RANBP10: variants seen among roughly 807,000 people sequenced by gnomAD.
RANBP10 encodes the protein ran-binding protein 10.
Under a neutral mutation model 72.8 loss-of-function variants are expected in RANBP10, and 24 were observed. The ratio of observed to expected loss-of-function variants is 0.33; its 90% confidence interval spans 0.24 to 0.46. The LOEUF is 0.46. Ranked by LOEUF, RANBP10 falls within the 20% of genes least tolerant of loss-of-function variation. The pLI is 1.00. For synonymous variants in RANBP10, 310 were observed against 322.3 expected, an observed-to-expected ratio of 0.96 and a Z score of 0.41; for missense variants, 679 against 817.5, an observed-to-expected ratio of 0.83 and a Z score of 2.07.
At chr16:67,776,138 C>A (rs1445862801) in intron 2 of RANBP10, among the ~76,000 whole-genome samples, 2 of 149,026 alleles carry the variant, frequency 1.3e-5, no homozygotes, top group African/African-American at 2.5e-5. Context: ...GAGCAAGACT[C>A]CATCTCAAAA....
chr16:67,725,769 A>G lies in RANBP10; in HGVS notation c.*659T>C, dbSNP rs1200910724. 3 of 152,394 alleles carry G rather than the reference A, an allele frequency of 2.0e-5. No homozygotes were observed. The highest frequency in any genetic ancestry group is 4.8e-5 in the African/African-American group (2 of 41,404). 9.4% of individuals were successfully genotyped at this position (152,394 alleles called of 1,614,324 possible). ...CCCACTAAGTGGCCCACCAAACCCT[A>G]TTTGGGTTTCCTAGGCTGCAGCTCG... On this transcript the variant is annotated 3_prime_UTR_variant, in exon 14 of 14. Transcript: ENST00000317506.
chr16:67,778,429 A>C (rs1240884224), intron 2 of RANBP10, among the ~76,000 whole-genome samples: 1 of 152,228 alleles, frequency 6.6e-6, no homozygotes, highest in Admixed American at 6.5e-5. Flanking sequence ...AGACCTAATC[A>C]TAAGAGCTAA....
At position 67,730,812 on chromosome 16, in the gene RANBP10, G is replaced by A. The variant is rs923356352; in HGVS notation, c.889+660C>T. On this transcript the variant is annotated intron_variant, in intron 7 of 13. Coordinates refer to ENST00000317506, the MANE Select transcript of RANBP10 (RefSeq NM_020850.3). The surrounding 1 kb of genome is among the most constrained non-coding windows in gnomAD (Gnocchi z 4.3). ...GGGGTAGGCAGGCACTCACAGACAC[G>A]CATATCCACACCCACTTGCCCTCAT... 1.3e-5 allele frequency among the ~76,000 whole-genome samples: 2 copies of A among 152,092 alleles called. No individual in the cohort carries two copies. The highest frequency in any genetic ancestry group is 2.4e-5 in the African/African-American group (1 of 41,402).
chr16:67,795,013 G>A (rs538397055), intron 2 of RANBP10, among the ~76,000 whole-genome samples: 5 of 150,588 alleles, frequency 3.3e-5, no homozygotes, highest in South Asian at 4.2e-4. Context: ...CCAGTACTCC[G>A]GGAGGCCAAG....
chr16:67,742,573 T>G (rs1038843002), intron 4 of RANBP10, among the ~76,000 whole-genome samples: 13 of 152,136 alleles, frequency 8.5e-5, no homozygotes, highest in African/African-American at 3.1e-4. Flanking sequence ...CCATCTGCTC[T>G]CTATGGGACC....
rs1442415557 is a variant in RANBP10 at position 67,731,562 on chromosome 16, G to A, written c.799C>T (p.His267Tyr). 1 of 1,613,916 alleles carries A rather than the reference G, an allele frequency of 6.2e-7. No individual in the cohort carries two copies. The highest frequency in any genetic ancestry group is 2.2e-5 in the East Asian group (1 of 44,888). ...LQNMVSSYLV[H>Y]HGYCATATAF... Reference sequence around the variant, plus strand: ...GTGGCTGTGGCACAATACCCATGATGCACGAGGTAAGATGAAACCATGCTA... The same window carrying A: ...GTGGCTGTGGCACAATACCCATGATACACGAGGTAAGATGAAACCATGCTA... Residue 267 changes from histidine (H) to tyrosine (Y), a missense_variant, in exon 7 of 14, where the codon CAT (histidine) becomes TAT (tyrosine). Transcript: ENST00000317506.
chr16:67,732,546 T>C (rs560900004), intron 6 of RANBP10, among the ~76,000 whole-genome samples: 3 of 152,266 alleles, frequency 2.0e-5, no homozygotes, highest in South Asian at 4.2e-4. Flanking sequence ...ATAATACACA[T>C]AAAGTACCTG....
Position 67,726,442 on chromosome 16 carries a change from C to A in RANBP10, c.1849G>T (p.Asp617Tyr). The A allele has an allele frequency of 1.2e-6, 2 of 1,612,556 alleles. No homozygotes were observed. The highest frequency in any genetic ancestry group is 1.7e-6 in the Non-Finnish European group (2 of 1,179,482). ...AGCACAGTCAGCTAGTGCAAGTAGT[C>A]ATCAACTCTGGCAAAGGAGCAAGAA... is the stretch of plus-strand genomic sequence containing the variant. ...LGSCSFARVD[D>Y]YLH The change falls in exon 14 of 14, where the codon GAC (aspartate) becomes TAC (tyrosine). Residue 617 changes from aspartate to tyrosine, a missense_variant. By Grantham distance (160) the Asp-to-Tyr change is radical. Transcript: ENST00000317506.
At chr16:67,791,725 G>A (rs922146748) in intron 2 of RANBP10, among the ~76,000 whole-genome samples, 1 of 152,084 alleles carries the variant, frequency 6.6e-6, no homozygotes, top group Non-Finnish European at 1.5e-5. Context: ...CCCCAGAAAA[G>A]AAATCAACAG....
chr16:67,792,749 C>T (rs1173342570), intron 2 of RANBP10, among the ~76,000 whole-genome samples: 1 of 150,458 alleles, frequency 6.6e-6, no homozygotes, highest in Admixed American at 6.6e-5. Flanking sequence ...CACCACCGCA[C>T]TCCAGCCTGG....
At chr16:67,788,955 C>A (rs2054973570) in intron 2 of RANBP10, among the ~76,000 whole-genome samples, 1 of 148,596 alleles carries the variant, frequency 6.7e-6, no homozygotes, top group African/African-American at 2.5e-5. Flanking sequence ...CAAGATCACA[C>A]CACTGCACTC....
At chr16:67,806,244 G>T in intron 1 of RANBP10, 58 bp downstream of exon 1, 1 of 1,474,064 alleles carries the variant, frequency 6.8e-7, no homozygotes, top group Non-Finnish European at 9.2e-7. Context: ...GGGCCTGGCA[G>T]CAGAGCCACC....
chr16:67,767,233 C>A (rs1483474707), intron 3 of RANBP10, among the ~76,000 whole-genome samples: 1 of 152,068 alleles, frequency 6.6e-6, no homozygotes, highest in African/African-American at 2.4e-5. Flanking sequence ...GCCCAGCAGA[C>A]TCTGAACACC....
chr16:67,779,339 G>C (rs748875053), intron 2 of RANBP10, among the ~76,000 whole-genome samples: 4 of 151,598 alleles, frequency 2.6e-5, no homozygotes, highest in African/African-American at 9.7e-5. Flanking sequence ...GGAGGTTGCA[G>C]TGAGCCGAGA....
chr16:67,765,274 C>T (rs912500476), intron 3 of RANBP10, among the ~76,000 whole-genome samples: 3 of 149,956 alleles, frequency 2.0e-5, no homozygotes, highest in Admixed American at 6.7e-5. Flanking sequence ...CACCTGTAAT[C>T]CCAGCACTTT....
rs529361050 is a variant in RANBP10, at chr16:67,788,487, G to C, written c.348-16401C>G. Among the ~76,000 whole-genome samples, 336 of 151,486 alleles carry C rather than the reference G, an allele frequency of 2.2e-3. 7 individuals are homozygous for C. The highest frequency in any genetic ancestry group is 0.01 in the Middle Eastern group (3 of 290). On this transcript the variant is annotated intron_variant, in intron 2 of 13. Transcript: ENST00000317506. Reference sequence around the variant, plus strand: ...TTAGCCAGGATGGTCTCGATCTCCTGACCTCGTGATCCACCCGCCTCGGCC... The same window carrying C: ...TTAGCCAGGATGGTCTCGATCTCCTCACCTCGTGATCCACCCGCCTCGGCC...
intron 2 of RANBP10, among the ~76,000 whole-genome samples, chr16:67,795,530 A>G (rs1361983944): frequency 6.6e-6 from 1 of 151,198 alleles, no homozygotes; most frequent in South Asian, 2.1e-4. Context: ...CAAGAGTGAA[A>G]CTCCGTCTCA....
intron 3 of RANBP10, among the ~76,000 whole-genome samples, chr16:67,750,870 C>T (rs1249473803): frequency 1.3e-5 from 2 of 151,600 alleles, no homozygotes; most frequent in African/African-American, 4.9e-5. Context: ...AGGTTCACGC[C>T]ATTCTCCTGC....
chr16:67,728,248 T>A, intron 11 of RANBP10, 142 bp downstream of exon 11: 1 of 898,112 alleles, frequency 1.1e-6, no homozygotes, highest in Non-Finnish European at 1.7e-6. Context: ...CCATTCACAA[T>A]CGGCTAAGGA....
Sources: allele counts gnomAD v4.1 joint callset (sites outside exome capture counted in the v4.1 genomes callset), GRCh38; gene constraint gnomAD v4.1.1; non-coding constraint Gnocchi (gnomAD v3.1); transcripts MANE v1.5; gene names NCBI Gene and HGNC (gene_info 2026-07-23, HGNC 2026-07-21).